RNF169: variants seen among roughly 807,000 people sequenced by gnomAD.
RNF169 encodes E3 ubiquitin-protein ligase RNF169.
In RNF169, 24 loss-of-function variants were observed where a neutral mutation model predicts 53.9. The ratio of observed to expected loss-of-function variants is 0.45; its 90% CI spans 0.32 to 0.63. The LOEUF (loss-of-function observed/expected upper bound fraction) is 0.63, where lower values mean the gene tolerates loss of function less well. RNF169 is among the 20% of genes least tolerant of loss of function. RNF169 has a pLI of 0.04. For synonymous variants in RNF169, 396 were observed against 363.5 expected, an observed-to-expected ratio of 1.09 and a Z score of -1.02; for missense variants, 883 against 906.2, an observed-to-expected ratio of 0.97 and a Z score of 0.33.
chr11:74,758,221 A>T (rs1158916217), intron 1 of RNF169, among the ~76,000 whole-genome samples: 1 of 125,188 alleles, frequency 8.0e-6, no homozygotes, highest in Non-Finnish European at 1.6e-5. Flanking sequence ...ACATATGGCT[A>T]GCCAGTTTTC....
At position 74,834,716 on chromosome 11, in the gene RNF169, GAC is replaced by G; in HGVS notation, c.887_888del (p.Thr296SerfsTer46). ...SKVERSQSCS[D>X]TAQERAKSRV... is the part of the protein sequence containing the mutation. ...GGTGGAAAGGAGTCAGAGCTGTAGT[GAC>G]ACAGCCCAGGAAAGAGCGAAGAGCA... On this transcript the variant is annotated frameshift_variant, in exon 5 of 6. Coordinates refer to ENST00000299563, the MANE Select transcript of RNF169 (RefSeq NM_001098638.2). LOFTEE classifies it high-confidence loss of function. 6.2e-7 allele frequency: 1 copy of G among 1,613,840 alleles called. No individual in the cohort carries two copies. Among genetic ancestry groups the G allele is most frequent in the Non-Finnish European group, 8.5e-7 (1 of 1,179,890 alleles).
chr11:74,777,810 T>A (rs1400682905), intron 1 of RNF169, among the ~76,000 whole-genome samples: 2 of 152,102 alleles, frequency 1.3e-5, no homozygotes, highest in Non-Finnish European at 2.9e-5. Context: ...TAATTTTTTG[T>A]GCAGATGGAG....
At chr11:74,827,470 A>G (rs928494537) in intron 4 of RNF169, among the ~76,000 whole-genome samples, 2 of 152,150 alleles carry the variant, frequency 1.3e-5, no homozygotes, top group African/African-American at 4.8e-5. Context: ...CTTATTACTT[A>G]TGCAAATTTC....
At chr11:74,764,067 C>T (rs2035132981) in intron 1 of RNF169, among the ~76,000 whole-genome samples, 1 of 152,178 alleles carries the variant, frequency 6.6e-6, no homozygotes, top group African/African-American at 2.4e-5. Flanking sequence ...AAACACATTG[C>T]AGTGGAACTT....
At chr11:74,794,961 G>A (rs1330034915) in intron 2 of RNF169, among the ~76,000 whole-genome samples, 1 of 151,970 alleles carries the variant, frequency 6.6e-6, no homozygotes, top group African/African-American at 2.4e-5. Flanking sequence ...CACCATGACT[G>A]GATACTTGAA....
intron 1 of RNF169, among the ~76,000 whole-genome samples, chr11:74,787,497 T>C (rs2035520931): frequency 6.6e-6 from 1 of 152,144 alleles, no homozygotes; most frequent in Non-Finnish European, 1.5e-5. Context: ...ACTCATGGTG[T>C]TGGAAAAGAT....
Position 74,835,645 on chromosome 11 carries a change from C to T in RNF169, c.1042C>T (p.Arg348Cys), listed in dbSNP as rs774363891. 2.2e-5 allele frequency: 35 copies of T among 1,614,020 alleles called. No individual in the cohort carries two copies. The highest frequency in any genetic ancestry group is 2.7e-5 in the Non-Finnish European group (32 of 1,180,000). Residue 348 changes from arginine (R) to cysteine (C), a missense_variant, in exon 6 of 6, where the codon CGT (arginine) becomes TGT (cysteine). Coordinates refer to ENST00000299563, the MANE Select transcript of RNF169 (RefSeq NM_001098638.2). ...VSAPDLTIEK[R>C]LPFSSLSSLA... ...GGCCCCTGACTTAACCATCGAAAAG[C>T]GTCTACCCTTCAGCTCCCTTTCATC...
At chr11:74,814,007 C>T (rs756095712) in intron 3 of RNF169, among the ~76,000 whole-genome samples, 16 of 151,434 alleles carry the variant, frequency 1.1e-4, no homozygotes, top group Non-Finnish European at 4.4e-5. Context: ...TGTTTTATAA[C>T]CTGTTTTAGT....
chr11:74,836,675 A>G lies in RNF169; in HGVS notation c.2072A>G (p.Lys691Arg), dbSNP rs1350450525. 1 of 1,613,574 alleles carries G rather than the reference A, an allele frequency of 6.2e-7. No individual in the cohort carries two copies. Among genetic ancestry groups the G allele is most frequent in the Non-Finnish European group, 8.5e-7 (1 of 1,180,032 alleles). Residue 691 changes from lysine (K) to arginine (R), a missense_variant, in exon 6 of 6, where the codon AAA (lysine) becomes AGA (arginine). Lys to Arg is a conservative substitution (Grantham distance 26). This residue lies in a region of RNF169 where 351 missense variants were observed against 337.3 expected (regional missense o/e 1.04). Transcript: ENST00000299563. ...DNERRTVSRRKGSVDQYLLRS... is the reference protein window; with the variant it reads ...DNERRTVSRRRGSVDQYLLRS... Reference sequence around the variant, plus strand: ...GAGAGGCGGACTGTGAGCCGGCGAAAAGGAAGTGTGGATCAGTATCTCCTA... The same window carrying G: ...GAGAGGCGGACTGTGAGCCGGCGAAGAGGAAGTGTGGATCAGTATCTCCTA...
chr11:74,835,812 T>C lies in RNF169; in HGVS notation c.1209T>C (p.Ser403=). The part of the protein sequence containing the change: ...PKRLPDGRVL[S]PLIIKSTPRN... Reference sequence around the variant, plus strand: ...GACTCCCTGATGGCCGTGTGCTAAGTCCTCTCATCATCAAATCAACTCCAC... The same window carrying C: ...GACTCCCTGATGGCCGTGTGCTAAGCCCTCTCATCATCAAATCAACTCCAC... Residue 403 remains serine (S), a synonymous_variant, in exon 6 of 6, where the codon AGT becomes AGC. Transcript: ENST00000299563. 2 of 1,614,154 alleles carry C rather than the reference T, an allele frequency of 1.2e-6. No individual in the cohort carries two copies. Among genetic ancestry groups the C allele is most frequent in the Non-Finnish European group, 1.7e-6 (2 of 1,180,016 alleles).
intron 4 of RNF169, among the ~76,000 whole-genome samples, chr11:74,824,787 C>T (rs1376874580): frequency 1.3e-5 from 2 of 152,108 alleles, no homozygotes; most frequent in African/African-American, 4.8e-5. Flanking sequence ...GCAATATCAG[C>T]AATGTGCAAT....
intron 4 of RNF169, among the ~76,000 whole-genome samples, chr11:74,817,955 C>T (rs2135127774): frequency 1.3e-5 from 2 of 152,266 alleles, no homozygotes; most frequent in South Asian, 4.1e-4. Context: ...TGCTGTGCTG[C>T]AAAGTGTGAC....
chr11:74,796,861 TA>T (rs940224286), intron 2 of RNF169, among the ~76,000 whole-genome samples: 40 of 152,340 alleles, frequency 2.6e-4, no homozygotes, highest in African/African-American at 9.1e-4. Context: ...GTTCTCTTTT[TA>T]AAAAAGTAAA....
intron 1 of RNF169, among the ~76,000 whole-genome samples, chr11:74,757,447 G>T (rs1364121031): frequency 1.4e-5 from 2 of 143,094 alleles, no homozygotes; most frequent in South Asian, 2.3e-4. Flanking sequence ...GAATAATGCC[G>T]CAGTAAACAT....
At chr11:74,753,965 C>A (rs116840417) in intron 1 of RNF169, among the ~76,000 whole-genome samples, 2,845 of 152,132 alleles carry the variant, frequency 0.019, 105 homozygotes, top group African/African-American at 0.065. Flanking sequence ...ATTTGTGAAA[C>A]TGTGTGTGTA....
chr11:74,776,300 A>G (rs2035331923), intron 1 of RNF169, among the ~76,000 whole-genome samples: 1 of 152,010 alleles, frequency 6.6e-6, no homozygotes, highest in African/African-American at 2.4e-5. Flanking sequence ...GTAATTTTCT[A>G]GTGTTTAGTT....
chr11:74,818,009 C>T (rs2035960701), intron 4 of RNF169, among the ~76,000 whole-genome samples: 1 of 152,214 alleles, frequency 6.6e-6, no homozygotes, highest in African/African-American at 2.4e-5. Context: ...TTCAGTCTGA[C>T]AATATGCACA....
intron 3 of RNF169, among the ~76,000 whole-genome samples, chr11:74,816,335 G>C (rs868591240): frequency 3.3e-5 from 5 of 152,092 alleles, no homozygotes; most frequent in Non-Finnish European, 2.9e-5. Flanking sequence ...GCTCTCACAG[G>C]GCTCATTGCA....
chr11:74,817,421 T>A (rs1039328009), intron 3 of RNF169, among the ~76,000 whole-genome samples, 175 bp from the exon 4 acceptor site: 24 of 152,116 alleles, frequency 1.6e-4, no homozygotes, highest in Non-Finnish European at 3.5e-4. Flanking sequence ...TGAGTTTGAT[T>A]TTGGATATAT....
Sources: gnomAD v4.1 joint callset for allele counts (sites outside exome capture counted in the v4.1 genomes callset) on GRCh38, gnomAD v4.1.1 for gene constraint, gnomAD v4.1.1 regional missense constraint, MANE v1.5 for transcripts, NCBI Gene and HGNC (gene_info 2026-07-23, HGNC 2026-07-21) for gene names.